RPS6KA2: variants seen among roughly 807,000 people sequenced by gnomAD.
RPS6KA2 encodes ribosomal protein S6 kinase alpha-2.
Under a neutral mutation model 91.8 loss-of-function variants are expected in RPS6KA2, and 42 were observed. The ratio of observed to expected loss-of-function variants is 0.46; its 90% CI spans 0.36 to 0.59. The LOEUF is 0.59. Ranked by LOEUF, RPS6KA2 falls within the 20% of genes least tolerant of loss-of-function variation. The pLI is 0.00. For synonymous variants in RPS6KA2, 414 were observed against 393.6 expected (o/e 1.05, Z -0.61); for missense variants, 798 against 978.5 (o/e 0.82, Z 2.46).
intron 2 of RPS6KA2, among the ~76,000 whole-genome samples, chr6:166,830,827 G>A (rs1056999881): frequency 2.0e-5 from 3 of 152,178 alleles, no homozygotes; most frequent in Admixed American, 6.5e-5. Context: ...ACAGCCTTCC[G>A]TCCTGGCACT....
In RPS6KA2 at chr6:166,493,758, C is replaced by A. The variant is rs1013987307; in HGVS notation, c.748-3017G>T. On this transcript the variant is annotated intron_variant, in intron 8 of 20. Coordinates refer to ENST00000265678, the MANE Select transcript of RPS6KA2 (RefSeq NM_021135.6). The surrounding 1 kb of genome is among the most constrained non-coding windows in gnomAD (Gnocchi z 4.7). ...CCAGGGGACATTTCCGGCTGTCATG[C>A]CCGGGAGCCCTGGTGCTACAGGCGT... Among the ~76,000 whole-genome samples, 3 of 152,196 alleles carry A rather than the reference C, an allele frequency of 2.0e-5. No homozygotes were observed. The highest frequency in any genetic ancestry group is 7.2e-5 in the African/African-American group (3 of 41,440).
chr6:166,420,864 C>T (rs1187976581), intron 17 of RPS6KA2, among the ~76,000 whole-genome samples: 7 of 152,302 alleles, frequency 4.6e-5, no homozygotes, highest in Admixed American at 4.6e-4. Flanking sequence ...GGGCAATCCT[C>T]TGATATAGTT....
exon 1 of RPS6KA2, chr6:166,862,390 T>C (rs1400032737): frequency 7.2e-7 from 1 of 1,383,284 alleles, no homozygotes; most frequent in East Asian, 2.8e-5. Context: ...GGCTGCAATA[T>C]GGCTGCTCGG....
intron 1 of RPS6KA2, among the ~76,000 whole-genome samples, chr6:166,562,996 G>A (rs554834768): frequency 2.1e-4 from 32 of 152,328 alleles, no homozygotes; most frequent in African/African-American, 6.0e-4. Flanking sequence ...GAGCCAGACC[G>A]AGGAACAGCG....
chr6:166,805,006 G>C (rs73037450), intron 2 of RPS6KA2, among the ~76,000 whole-genome samples: 1 of 152,280 alleles, frequency 6.6e-6, no homozygotes, highest in Non-Finnish European at 1.5e-5. Context: ...ATACAGGAAA[G>C]CTTCTGGAAA....
intron 2 of RPS6KA2, among the ~76,000 whole-genome samples, chr6:166,857,712 AC>A (rs769004160): frequency 6.6e-6 from 1 of 152,002 alleles, no homozygotes; most frequent in Non-Finnish European, 1.5e-5. Context: ...GTCAACCCCT[AC>A]AGGCCCTGGG....
intron 3 of RPS6KA2, among the ~76,000 whole-genome samples, chr6:166,518,691 G>T (rs1197312283): frequency 6.6e-6 from 1 of 152,216 alleles, no homozygotes; most frequent in African/African-American, 2.4e-5. Context: ...ACAGGAAAAG[G>T]ATGTGTTCAT....
intron 10 of RPS6KA2, among the ~76,000 whole-genome samples, chr6:166,479,098 C>T (rs1437627288): frequency 6.6e-6 from 1 of 152,230 alleles, no homozygotes; most frequent in Non-Finnish European, 1.5e-5. Context: ...CAGGCCCTCT[C>T]CCCTCTTCTG....
intron 2 of RPS6KA2, among the ~76,000 whole-genome samples, chr6:166,651,888 CGCACTGTGGACGCACACT>C (rs1421832814): frequency 6.6e-6 from 1 of 152,252 alleles, no homozygotes; most frequent in Non-Finnish European, 1.5e-5. Flanking sequence ...CAGGTGCACA[CGCACTGTGGACGCACACT>C]GCACTGTGCC....
At chr6:166,684,858 T>G (rs1282703073) in intron 2 of RPS6KA2, among the ~76,000 whole-genome samples, 1 of 152,256 alleles carries the variant, frequency 6.6e-6, no homozygotes, top group East Asian at 1.9e-4. Context: ...TAAATGCCCT[T>G]TCTCCTTCTT....
At chr6:166,414,550 A>G (rs769948584) in intron 19 of RPS6KA2, among the ~76,000 whole-genome samples, 16 of 152,246 alleles carry the variant, frequency 1.1e-4, no homozygotes, top group African/African-American at 1.4e-4. Flanking sequence ...ACATTTGCAG[A>G]GTACTTGGTT....
chr6:166,548,729 C>T (rs1340345347), intron 1 of RPS6KA2, among the ~76,000 whole-genome samples: 1 of 152,152 alleles, frequency 6.6e-6, no homozygotes, highest in Non-Finnish European at 1.5e-5. Context: ...AACTACAAAA[C>T]TTCTAGAAGA....
intron 2 of RPS6KA2, among the ~76,000 whole-genome samples, chr6:166,742,585 A>T (rs2128593268): frequency 6.6e-6 from 1 of 152,128 alleles, no homozygotes. Flanking sequence ...GGAGGGGAGG[A>T]CGGCTCTAAG....
chr6:166,495,760 G>A lies in RPS6KA2; in HGVS notation c.747+2748C>T, dbSNP rs1370063550. Among the ~76,000 whole-genome samples the A allele has an allele frequency of 6.6e-6, 1 of 152,240 alleles. No homozygotes were observed. Among genetic ancestry groups the A allele is most frequent in the Non-Finnish European group, 1.5e-5 (1 of 68,048 alleles). On this transcript the variant is annotated intron_variant, in intron 8 of 20. Coordinates refer to ENST00000265678, the MANE Select transcript of RPS6KA2 (RefSeq NM_021135.6). This position sits in a 1 kb window ranked among gnomAD's most constrained non-coding sequence, Gnocchi z 4.4. ...CGACAATAAAAGATGGCAGACGTTAGAGCAGTGGCAAGCCAGGAGTGCTGA... is the reference window on the plus strand; with the variant it reads ...CGACAATAAAAGATGGCAGACGTTAAAGCAGTGGCAAGCCAGGAGTGCTGA...
intron 12 of RPS6KA2, among the ~76,000 whole-genome samples, chr6:166,453,782 A>C (rs115829750): frequency 0.018 from 2,761 of 152,362 alleles, 79 homozygotes; most frequent in African/African-American, 0.063. Context: ...CACAATTGCA[A>C]AGTCATGGAA....
intron 2 of RPS6KA2, among the ~76,000 whole-genome samples, chr6:166,745,285 G>T (rs997698741): frequency 6.6e-6 from 1 of 151,826 alleles, no homozygotes; most frequent in Non-Finnish European, 1.5e-5. Flanking sequence ...CTGAGTAGCT[G>T]GGATTTCAGG....
intron 1 of RPS6KA2, among the ~76,000 whole-genome samples, chr6:166,577,238 G>C (rs1217386837): frequency 1.3e-5 from 2 of 152,236 alleles, no homozygotes; most frequent in Admixed American, 6.5e-5. Flanking sequence ...GGAAATGTGG[G>C]GTTGGAACCC....
chr6:166,597,062 G>C (rs1428404465), intron 1 of RPS6KA2, among the ~76,000 whole-genome samples: 1 of 152,198 alleles, frequency 6.6e-6, no homozygotes, highest in East Asian at 1.9e-4. Flanking sequence ...GACACGGGGA[G>C]GGGCCACAGA....
chr6:166,715,793 T>C (rs1288815982), intron 2 of RPS6KA2, among the ~76,000 whole-genome samples: 2 of 152,020 alleles, frequency 1.3e-5, no homozygotes, highest in Non-Finnish European at 2.9e-5. Context: ...ATCCCAGCAC[T>C]TTGGGAGGCC....
Sources: allele counts gnomAD v4.1 joint callset (sites outside exome capture counted in the v4.1 genomes callset), GRCh38; gene constraint gnomAD v4.1.1; non-coding constraint Gnocchi (gnomAD v3.1); transcripts MANE v1.5; gene names NCBI Gene and HGNC (gene_info 2026-07-23, HGNC 2026-07-21).